Variants in RALYL observed in about 807,000 individuals in gnomAD.
RALYL encodes the protein RALY RNA binding protein like.
Under a neutral mutation model 35.1 loss-of-function variants are expected in RALYL, and 29 were observed. The observed-to-expected ratio is 0.83, with a 90% CI of 0.61 to 1.13. The LOEUF (loss-of-function observed/expected upper bound fraction) is 1.13, where lower values mean the gene tolerates loss of function less well. Ranked by LOEUF, RALYL falls within the 50% of genes most tolerant of loss-of-function variation. The pLI is 0.00. For synonymous variants in RALYL, 120 were observed against 127.6 expected (o/e 0.94, Z 0.40); for missense variants, 359 against 360.4 (o/e 1.00, Z 0.03).
At chr8:84,746,672 C>G (rs772276367) in intron 2 of RALYL, among the ~76,000 whole-genome samples, 33 of 151,900 alleles carry the variant, frequency 2.2e-4, no homozygotes, top group Admixed American at 1.4e-3. Flanking sequence ...AAATGTTCCA[C>G]TATTCCCCTA....
chr8:84,316,007 G>A (rs1303386482), intron 1 of RALYL, among the ~76,000 whole-genome samples: 1 of 152,042 alleles, frequency 6.6e-6, no homozygotes, highest in East Asian at 1.9e-4. Context: ...GAAATACAAA[G>A]AATGTAACAC....
intron 2 of RALYL, chr8:84,706,090 A>G (rs1367186427): frequency 9.1e-6 from 14 of 1,531,284 alleles, no homozygotes; most frequent in Middle Eastern, 1.9e-4. Flanking sequence ...ACTTTTTCAT[A>G]TCACTGGGGT....
intron 1 of RALYL, among the ~76,000 whole-genome samples, chr8:84,443,561 T>C (rs1295025969): frequency 3.3e-5 from 5 of 152,146 alleles, no homozygotes; most frequent in African/African-American, 1.2e-4. Flanking sequence ...CTACTCAGTC[T>C]GTACATATGA....
intron 2 of RALYL, among the ~76,000 whole-genome samples, chr8:84,728,169 A>C (rs1845377917): frequency 6.6e-6 from 1 of 151,520 alleles, no homozygotes; most frequent in Non-Finnish European, 1.5e-5. Flanking sequence ...TGCCATTCTA[A>C]CTGGTGTGAG....
At chr8:84,874,814 A>G (rs568503962) in intron 7 of RALYL, among the ~76,000 whole-genome samples, 1 of 152,340 alleles carries the variant, frequency 6.6e-6, no homozygotes, top group African/African-American at 2.4e-5. Flanking sequence ...ACAAAGTGGC[A>G]TATGTAAACT....
At chr8:84,471,426 T>TAA (rs60961835) in intron 1 of RALYL, among the ~76,000 whole-genome samples, 22 of 124,592 alleles carry the variant, frequency 1.8e-4, no homozygotes, top group East Asian at 7.0e-4. Flanking sequence ...GTACACAAAT[T>TAA]AAAAAAAAAA....
At chr8:84,443,235 A>G (rs2048516181) in intron 1 of RALYL, among the ~76,000 whole-genome samples, 2 of 152,130 alleles carry the variant, frequency 1.3e-5, no homozygotes, top group Admixed American at 1.3e-4. Context: ...ACCACCTAAC[A>G]AAGAGCTAGT....
At chr8:84,709,129 C>G (rs771257034) in intron 2 of RALYL, among the ~76,000 whole-genome samples, 1 of 152,126 alleles carries the variant, frequency 6.6e-6, no homozygotes, top group Non-Finnish European at 1.5e-5. Flanking sequence ...GGCCAATTAT[C>G]TATTATTTCT....
chr8:84,870,269 T>G (rs1037175269), intron 6 of RALYL, among the ~76,000 whole-genome samples: 6 of 151,740 alleles, frequency 4.0e-5, no homozygotes, highest in African/African-American at 9.7e-5. Context: ...TAATTTTTTT[T>G]TTTTTTTGAG....
intron 1 of RALYL, among the ~76,000 whole-genome samples, chr8:84,270,266 G>A (rs1352548382): frequency 6.6e-6 from 1 of 152,174 alleles, no homozygotes. Context: ...GAAGGAAGAA[G>A]GAGCACAAAT....
intron 2 of RALYL, among the ~76,000 whole-genome samples, chr8:84,655,130 C>T (rs1330779647): frequency 6.6e-6 from 1 of 152,060 alleles, no homozygotes; most frequent in Non-Finnish European, 1.5e-5. Context: ...GGGTAAAAGT[C>T]ATTTTGACTG....
At chr8:84,240,835 A>T (rs557745697) in intron 1 of RALYL, among the ~76,000 whole-genome samples, 1 of 152,340 alleles carries the variant, frequency 6.6e-6, no homozygotes, top group African/African-American at 2.4e-5. Flanking sequence ...TGTTGACAAA[A>T]AGATGTGTTC....
At chr8:84,804,980 T>G (rs1202096694) in intron 4 of RALYL, among the ~76,000 whole-genome samples, 178 bp downstream of exon 4, 1 of 152,222 alleles carries the variant, frequency 6.6e-6, no homozygotes, top group Non-Finnish European at 1.5e-5. Flanking sequence ...GGTTGTATTG[T>G]GACCTCAGAA....
At chr8:84,244,963 A>G (rs2131605156) in intron 1 of RALYL, among the ~76,000 whole-genome samples, 1 of 152,284 alleles carries the variant, frequency 6.6e-6, no homozygotes, top group African/African-American at 2.4e-5. Flanking sequence ...TAGAAGGGAG[A>G]GTGATTTTCA....
intron 1 of RALYL, among the ~76,000 whole-genome samples, chr8:84,198,741 T>C (rs4427165): frequency 0.18 from 27,062 of 152,152 alleles, 2,867 homozygotes; most frequent in Middle Eastern, 0.37. Flanking sequence ...AGTAAGAATA[T>C]GCAACATTGA....
intron 3 of RALYL, among the ~76,000 whole-genome samples, chr8:84,775,074 C>T (rs1030967802): frequency 3.3e-5 from 5 of 152,216 alleles, no homozygotes; most frequent in East Asian, 1.9e-4. Context: ...CTCAGCCTCC[C>T]GAGAAGCTGG....
At chr8:84,270,553 CGTGTGTGTGTGTGTGTGTGTGT>C (rs34047869) in intron 1 of RALYL, among the ~76,000 whole-genome samples, 2 of 147,250 alleles carry the variant, frequency 1.4e-5, no homozygotes, top group African/African-American at 5.0e-5. Flanking sequence ...ACATGAAATT[CGTGTGTGTGTGTGTGTGTGTGT>C]GTGTGTGTAT....
chr8:84,407,678 G>C (rs16912795), intron 1 of RALYL, among the ~76,000 whole-genome samples: 4,302 of 152,114 alleles, frequency 0.028, 199 homozygotes, highest in African/African-American at 0.098. Context: ...ACTAAATGCA[G>C]AATCAACTTT....
intron 2 of RALYL, among the ~76,000 whole-genome samples, chr8:84,538,972 T>C (rs1158996934): frequency 1.3e-5 from 2 of 152,198 alleles, no homozygotes; most frequent in Non-Finnish European, 2.9e-5. Context: ...CTCTAAAATA[T>C]GTGGCAAACA....
Sources: allele counts gnomAD v4.1 joint callset (sites outside exome capture counted in the v4.1 genomes callset), GRCh38; gene constraint gnomAD v4.1.1; transcripts MANE v1.5; gene names NCBI Gene and HGNC (gene_info 2026-07-23, HGNC 2026-07-21).